The following BACH2 variants were observed in gnomAD, a reference collection of about 807,000 sequenced individuals.
The protein encoded by BACH2 is BACH transcriptional regulator 2.
Under a neutral mutation model 61.8 loss-of-function variants are expected in BACH2, and 5 were observed. The ratio of observed to expected loss-of-function variants is 0.08; its 90% CI spans 0.04 to 0.17. The LOEUF (loss-of-function observed/expected upper bound fraction) is 0.17, where lower values mean the gene tolerates loss of function less well. Among genes scored for constraint, BACH2 ranks in the 10% least tolerant of loss-of-function variants. The pLI is 1.00. For synonymous variants in BACH2, 446 were observed against 440.1 expected (o/e 1.01, Z -0.17); for missense variants, 824 against 1,091.1 (o/e 0.76, Z 3.45).
intron 6 of BACH2, among the ~76,000 whole-genome samples, chr6:89,996,410 T>C (rs1776851165): frequency 6.6e-6 from 1 of 152,250 alleles, no homozygotes; most frequent in African/African-American, 2.4e-5. Flanking sequence ...TGTCACTTCT[T>C]GGTTCACAAT....
intron 5 of BACH2, among the ~76,000 whole-genome samples, chr6:90,079,149 T>G (rs1347541683): frequency 6.6e-6 from 1 of 152,208 alleles, no homozygotes; most frequent in Non-Finnish European, 1.5e-5. Flanking sequence ...GGACACGTTA[T>G]CACTTACTGT....
chr6:90,283,728 C>A (rs1582565433), intron 1 of BACH2, among the ~76,000 whole-genome samples: 1 of 152,070 alleles, frequency 6.6e-6, no homozygotes, highest in Non-Finnish European at 1.5e-5. Context: ...TTAGGTCTGG[C>A]CAGGCACGGC....
chr6:90,055,062 G>C (rs1450779437), intron 5 of BACH2, among the ~76,000 whole-genome samples: 1 of 152,220 alleles, frequency 6.6e-6, no homozygotes, highest in African/African-American at 2.4e-5. Flanking sequence ...AAAAATCAGA[G>C]TGCCTCTCCT....
intron 2 of BACH2, among the ~76,000 whole-genome samples, chr6:90,260,944 G>C (rs1771137030): frequency 6.6e-6 from 1 of 152,184 alleles, no homozygotes. Context: ...TGTCCCACAG[G>C]AATGAGCCTG....
chr6:90,290,653 T>C (rs1181111420), intron 1 of BACH2, among the ~76,000 whole-genome samples: 3 of 152,264 alleles, frequency 2.0e-5, no homozygotes, highest in Admixed American at 2.0e-4. Flanking sequence ...TGTTTCCTAC[T>C]TGTGGAATGG....
chr6:90,295,987 G>T (rs548188562), intron 1 of BACH2, among the ~76,000 whole-genome samples: 1 of 152,098 alleles, frequency 6.6e-6, no homozygotes, highest in Admixed American at 6.5e-5. Flanking sequence ...GCACGCCGAG[G>T]GTTAAGGAGG....
At chr6:90,024,444 C>T (rs1288765518) in intron 5 of BACH2, among the ~76,000 whole-genome samples, 1 of 152,154 alleles carries the variant, frequency 6.6e-6, no homozygotes, top group South Asian at 2.1e-4. Flanking sequence ...TGAGCCCAGG[C>T]CTTTGCTTTG....
rs543413088 is a variant in BACH2 at position 90,047,391 on chromosome 6, G to A, written c.-12-38535C>T. ...ATGTCAGCTAGAGTTATACTGGCAC[G>A]TCCATGGTCCTGGAAAGGCCTTGGA... On this transcript the variant is annotated intron_variant, in intron 5 of 8. Coordinates refer to ENST00000257749, the MANE Select transcript of BACH2 (RefSeq NM_021813.4). Among the ~76,000 whole-genome samples, 9 of 152,206 alleles carry A rather than the reference G, an allele frequency of 5.9e-5. No homozygotes were observed. The South Asian group carries it at 1.9e-3, about 32-fold the overall frequency.
At chr6:90,129,865 T>TG (rs982656379) in intron 4 of BACH2, among the ~76,000 whole-genome samples, 12 of 151,996 alleles carry the variant, frequency 7.9e-5, no homozygotes, top group African/African-American at 2.4e-4. Flanking sequence ...AAGTTTTTTT[T>TG]TTGTTGTTGT....
chr6:90,147,363 A>C (rs548069600), intron 4 of BACH2, among the ~76,000 whole-genome samples: 1 of 152,144 alleles, frequency 6.6e-6, no homozygotes, highest in South Asian at 2.1e-4. Flanking sequence ...CTCCTCAATT[A>C]AATTATCTCA....
chr6:90,219,152 G>A (rs1359210184), intron 3 of BACH2, among the ~76,000 whole-genome samples: 1 of 152,094 alleles, frequency 6.6e-6, no homozygotes, highest in South Asian at 2.1e-4. Flanking sequence ...TCCCTATGAT[G>A]TCACTTCTCT....
intron 4 of BACH2, among the ~76,000 whole-genome samples, chr6:90,186,100 A>G (rs1019750305): frequency 6.6e-6 from 1 of 152,188 alleles, no homozygotes; most frequent in Non-Finnish European, 1.5e-5. Context: ...CAGTACTGTA[A>G]TTTTCTCTGT....
chr6:90,008,057 A>G lies in BACH2; in HGVS notation c.243+545T>C, dbSNP rs942510595. 3.7e-5 allele frequency: 6 copies of G among 162,988 alleles called. No homozygotes were observed. Among genetic ancestry groups the G allele is most frequent in the Admixed American group, 3.5e-4 (6 of 17,366 alleles). 10.1% of individuals were successfully genotyped at this position (162,988 alleles called of 1,614,324 possible). On this transcript the variant is annotated intron_variant, in intron 6 of 8. Transcript: ENST00000257749. The surrounding 1 kb of genome is among the most constrained non-coding windows in gnomAD (Gnocchi z 4.1). Reference sequence around the variant, plus strand: ...ACTAGTGTTCCCAAAGTGCCAAAATAACCGTATTCACTGATGTGATTAAGA... The same window carrying G: ...ACTAGTGTTCCCAAAGTGCCAAAATGACCGTATTCACTGATGTGATTAAGA...
chr6:90,103,271 G>A (rs1276173213), intron 4 of BACH2, among the ~76,000 whole-genome samples: 2 of 151,758 alleles, frequency 1.3e-5, no homozygotes, highest in Non-Finnish European at 2.9e-5. Context: ...ACTAATTGGG[G>A]AGGTGTGGGA....
At chr6:90,097,390 C>T (rs1010934720) in intron 4 of BACH2, among the ~76,000 whole-genome samples, 18 of 152,182 alleles carry the variant, frequency 1.2e-4, no homozygotes, top group South Asian at 4.2e-4. Flanking sequence ...AGTAATGGAC[C>T]GAGGAGGAAG....
At chr6:90,064,522 A>G (rs1780844496) in intron 5 of BACH2, among the ~76,000 whole-genome samples, 1 of 152,228 alleles carries the variant, frequency 6.6e-6, no homozygotes, top group South Asian at 2.1e-4. Flanking sequence ...TAGGCTCCTG[A>G]GCAAGGAGCA....
rs554941064 is a variant in BACH2 at position 90,087,463 on chromosome 6, T to C, written c.-13+1498A>G. Among the ~76,000 whole-genome samples the C allele has an allele frequency of 5.3e-4, 80 of 152,340 alleles. No individual in the cohort carries two copies. In the South Asian group the frequency reaches 0.016, roughly 30 times the overall value. ...CAGAAATATACAATGCATATATCTATTCACAGGTACACATGTACATTTGTA... is the reference window on the plus strand; with the variant it reads ...CAGAAATATACAATGCATATATCTACTCACAGGTACACATGTACATTTGTA... On this transcript the variant is annotated intron_variant, in intron 5 of 8. Transcript: ENST00000257749.
intron 5 of BACH2, among the ~76,000 whole-genome samples, chr6:90,055,163 T>C (rs539797335): frequency 6.6e-6 from 1 of 152,148 alleles, no homozygotes; most frequent in Non-Finnish European, 1.5e-5. Flanking sequence ...CTTCAGATGA[T>C]CAAACTACTC....
intron 4 of BACH2, among the ~76,000 whole-genome samples, chr6:90,150,511 A>G (rs192774890): frequency 6.6e-6 from 1 of 152,338 alleles, no homozygotes; most frequent in East Asian, 1.9e-4. Context: ...TGTCCTGAGA[A>G]GCAGACACTA....
Sources: allele counts gnomAD v4.1 joint callset (sites outside exome capture counted in the v4.1 genomes callset), GRCh38; gene constraint gnomAD v4.1.1; non-coding constraint Gnocchi (gnomAD v3.1); transcripts MANE v1.5; gene names NCBI Gene and HGNC (gene_info 2026-07-23, HGNC 2026-07-21).